PRKG1: variants seen among roughly 807,000 people sequenced by gnomAD.
PRKG1 encodes cGMP-dependent protein kinase 1.
Under a neutral mutation model 88.1 loss-of-function variants are expected in PRKG1, and 35 were observed. That is an observed-to-expected ratio of 0.40 (90% CI 0.30 to 0.53). The LOEUF is 0.53. Among genes scored for constraint, PRKG1 ranks in the 20% least tolerant of loss-of-function variants. The pLI is 0.59. For missense variants in PRKG1, 540 were observed against 839.8 expected (o/e 0.64, Z 4.41); for synonymous variants, 303 against 292.5 (o/e 1.04, Z -0.37).
chr10:52,013,119 A>C (rs1844938603), intron 5 of PRKG1, among the ~76,000 whole-genome samples: 2 of 152,160 alleles, frequency 1.3e-5, no homozygotes, highest in Non-Finnish European at 1.5e-5. Context: ...CCAGTGCTTC[A>C]AGAAAGATGG....
chr10:52,085,374 C>T (rs149214537), intron 7 of PRKG1, among the ~76,000 whole-genome samples: 1 of 152,046 alleles, frequency 6.6e-6, no homozygotes, highest in South Asian at 2.1e-4. Context: ...ACTTTCACTG[C>T]TGGAAGTCCT....
intron 2 of PRKG1, among the ~76,000 whole-genome samples, chr10:51,198,889 C>T (rs966965102): frequency 2.0e-5 from 3 of 152,314 alleles, no homozygotes; most frequent in South Asian, 4.1e-4. Flanking sequence ...CCATGATCTT[C>T]CTCTTGCAAA....
At chr10:51,782,170 A>T (rs185306340) in intron 3 of PRKG1, among the ~76,000 whole-genome samples, 4 of 152,266 alleles carry the variant, frequency 2.6e-5, no homozygotes, top group Non-Finnish European at 4.4e-5. Flanking sequence ...TAAAGAATAT[A>T]TAAAAAGCAA....
chr10:51,068,080 C>T (rs2339670), intron 1 of PRKG1, among the ~76,000 whole-genome samples: 13,582 of 152,014 alleles, frequency 0.089, 1,959 homozygotes, highest in African/African-American at 0.3. Context: ...GGGGCTTCTA[C>T]CCTTGTTTCA....
intron 9 of PRKG1, among the ~76,000 whole-genome samples, chr10:52,246,922 A>G (rs920687714): frequency 4.0e-5 from 6 of 149,834 alleles, no homozygotes; most frequent in African/African-American, 7.4e-5. Flanking sequence ...AGGATTAGCT[A>G]TTGTCTGTGG....
chr10:51,703,216 C>A (rs1841517299), intron 3 of PRKG1, among the ~76,000 whole-genome samples: 1 of 152,044 alleles, frequency 6.6e-6, no homozygotes, highest in African/African-American at 2.4e-5. Flanking sequence ...ATTCTATACA[C>A]TTTGAAGGAA....
At chr10:51,622,375 T>G (rs1381966621) in intron 3 of PRKG1, among the ~76,000 whole-genome samples, 1 of 152,154 alleles carries the variant, frequency 6.6e-6, no homozygotes, top group Non-Finnish European at 1.5e-5. Flanking sequence ...TTTGGGGTAG[T>G]AGTGAATCAT....
intron 3 of PRKG1, among the ~76,000 whole-genome samples, chr10:51,665,937 TTG>T (rs1293031371): frequency 6.6e-6 from 1 of 150,648 alleles, no homozygotes; most frequent in Non-Finnish European, 1.5e-5. Flanking sequence ...GTGTGTGTGT[TTG>T]TGTGTTTGTG....
At chr10:51,088,395 T>TG (rs1844308830) in intron 1 of PRKG1, among the ~76,000 whole-genome samples, 1 of 151,238 alleles carries the variant, frequency 6.6e-6, no homozygotes, top group South Asian at 2.1e-4. Flanking sequence ...GTTTTCAGTT[T>TG]TTTTTTTTTT....
At chr10:51,166,599 G>T (rs1393164094) in intron 2 of PRKG1, among the ~76,000 whole-genome samples, 1 of 152,150 alleles carries the variant, frequency 6.6e-6, no homozygotes, top group Non-Finnish European at 1.5e-5. Context: ...TTTATGGAAA[G>T]TCTTGAAATT....
chr10:51,458,932 A>G (rs1296475777), intron 2 of PRKG1, among the ~76,000 whole-genome samples: 3 of 152,108 alleles, frequency 2.0e-5, no homozygotes, highest in African/African-American at 7.2e-5. Context: ...GTGTCATGGA[A>G]CCAATCCCCA....
chr10:51,996,871 A>G (rs1032742090), intron 5 of PRKG1, among the ~76,000 whole-genome samples: 11 of 152,338 alleles, frequency 7.2e-5, no homozygotes, highest in African/African-American at 2.4e-4. Flanking sequence ...TAGCCAAGAT[A>G]TAGAATCAAC....
chr10:52,056,357 T>A (rs1217818217), intron 6 of PRKG1, among the ~76,000 whole-genome samples: 2 of 152,228 alleles, frequency 1.3e-5, no homozygotes, highest in Admixed American at 6.5e-5. Flanking sequence ...ACATGGCTAA[T>A]TCTTCGCTAT....
chr10:51,568,868 G>A (rs1250999706), intron 3 of PRKG1: 1 of 152,010 alleles, frequency 6.6e-6, no homozygotes, highest in Non-Finnish European at 1.5e-5. Flanking sequence ...TAATGATCAG[G>A]GATGGTTTGG....
chr10:51,535,724 G>C (rs891102022), intron 3 of PRKG1, among the ~76,000 whole-genome samples: 12 of 92,406 alleles, frequency 1.3e-4, no homozygotes, highest in Non-Finnish European at 2.5e-4. Flanking sequence ...TGAAATCAAT[G>C]ATTTTTTTTT....
chr10:51,374,619 C>G (rs147529477), intron 2 of PRKG1, among the ~76,000 whole-genome samples: 2,175 of 152,170 alleles, frequency 0.014, 19 homozygotes, highest in South Asian at 0.021. Context: ...ACCCAGCATT[C>G]CTCCCCTCCA....
intron 2 of PRKG1, among the ~76,000 whole-genome samples, chr10:51,265,817 T>G (rs748791293): frequency 6.6e-6 from 1 of 152,018 alleles, no homozygotes; most frequent in Non-Finnish European, 1.5e-5. Flanking sequence ...GATTAACAGG[T>G]TTTTACCCAC....
At chr10:51,922,120 G>A (rs1842475125) in intron 5 of PRKG1, among the ~76,000 whole-genome samples, 1 of 151,684 alleles carries the variant, frequency 6.6e-6, no homozygotes, top group African/African-American at 2.4e-5. Flanking sequence ...ATATCTCTTT[G>A]TGTGTGTTTT....
At chr10:51,102,858 A>T (rs531869753) in intron 1 of PRKG1, among the ~76,000 whole-genome samples, 1 of 152,282 alleles carries the variant, frequency 6.6e-6, no homozygotes, top group Admixed American at 6.5e-5. Context: ...ACACACAGAG[A>T]CAGAAAATTG....
Sources: gnomAD v4.1 joint callset for allele counts (sites outside exome capture counted in the v4.1 genomes callset) on GRCh38, gnomAD v4.1.1 for gene constraint, MANE v1.5 for transcripts, NCBI Gene and HGNC (gene_info 2026-07-23, HGNC 2026-07-21) for gene names.